Variants in MND1 observed in about 807,000 individuals in gnomAD.
MND1 encodes meiotic nuclear divisions 1.
MND1 carries 28 observed loss-of-function variants against 35.1 expected under a neutral mutation model. The observed-to-expected ratio is 0.80, with a 90% confidence interval of 0.59 to 1.09. MND1 has a LOEUF of 1.09. Among genes scored for constraint, MND1 ranks in the 50% least tolerant of loss-of-function variants. MND1 has a pLI of 0.00. For synonymous variants in MND1, 69 were observed against 70.5 expected, an observed-to-expected ratio of 0.98 and a Z score of 0.11; for missense variants, 213 against 239.6, an observed-to-expected ratio of 0.89 and a Z score of 0.73.
intron 7 of MND1, among the ~76,000 whole-genome samples, chr4:153,409,358 T>G (rs1369758961): frequency 9.0e-6 from 1 of 111,156 alleles, no homozygotes; most frequent in Non-Finnish European, 1.8e-5. Flanking sequence ...ATCTTAAAGA[T>G]TTATCATCTT....
intron 4 of MND1, among the ~76,000 whole-genome samples, chr4:153,381,151 G>A (rs1337373776): frequency 2.0e-5 from 3 of 151,986 alleles, no homozygotes; most frequent in Admixed American, 6.6e-5. Flanking sequence ...CGCCTGCCTC[G>A]GCCTCCCAAA....
At chr4:153,356,079 G>T (rs1372894684) in intron 3 of MND1, among the ~76,000 whole-genome samples, 1 of 152,192 alleles carries the variant, frequency 6.6e-6, no homozygotes, top group African/African-American at 2.4e-5. Flanking sequence ...GGCTGAAGCG[G>T]GAGGATCACT....
At chr4:153,397,376 G>A (rs928950456) in intron 6 of MND1, 43 bp downstream of exon 6, 2 of 1,401,502 alleles carry the variant, frequency 1.4e-6, no homozygotes, top group Non-Finnish European at 2.0e-6. Context: ...CTTTGATAAT[G>A]AAGAAGACTT....
chr4:153,402,722 T>A (rs1729376780), intron 6 of MND1, among the ~76,000 whole-genome samples: 1 of 152,170 alleles, frequency 6.6e-6, no homozygotes, highest in African/African-American at 2.4e-5. Context: ...CTTTATTTGA[T>A]CTGGCCTCGG....
At chr4:153,345,278 A>G (rs1773046765) in intron 1 of MND1, 1 of 955,306 alleles carries the variant, frequency 1.0e-6, no homozygotes, top group Admixed American at 6.2e-5. Context: ...GGTTTTCTGT[A>G]TTGTAATATG....
chr4:153,397,515 G>A (rs1177158166), intron 6 of MND1, among the ~76,000 whole-genome samples, 182 bp downstream of exon 6: 1 of 152,088 alleles, frequency 6.6e-6, no homozygotes, highest in Non-Finnish European at 1.5e-5. Context: ...CTTTAGTATT[G>A]CCATTAAAAA....
chr4:153,370,493 ACCT>A (rs1369521831), intron 4 of MND1, among the ~76,000 whole-genome samples: 4 of 151,506 alleles, frequency 2.6e-5, no homozygotes, highest in Non-Finnish European at 5.9e-5. Flanking sequence ...TGATGTTTTG[ACCT>A]CCTCCCCTTA....
At chr4:153,412,643 C>T (rs551226596) in intron 7 of MND1, among the ~76,000 whole-genome samples, 8 of 151,570 alleles carry the variant, frequency 5.3e-5, no homozygotes, top group African/African-American at 1.9e-4. Flanking sequence ...CCACCATGCC[C>T]GGCTAATTTT....
intron 4 of MND1, among the ~76,000 whole-genome samples, chr4:153,386,927 G>T (rs1472639819): frequency 6.6e-6 from 1 of 152,206 alleles, no homozygotes; most frequent in South Asian, 2.1e-4. Flanking sequence ...TCACTCTGGG[G>T]AGGGTGTTGT....
At chr4:153,355,518 C>A (rs1485001414) in intron 2 of MND1, 136 bp from the exon 3 acceptor site, 2 of 605,254 alleles carry the variant, frequency 3.3e-6, no homozygotes, top group Admixed American at 6.1e-5. Context: ...CATTGTATAC[C>A]TATATCAAAA....
rs186566525 is a variant in MND1 at position 153,384,969 on chromosome 4, G to A, written c.277-9293G>A. 1.2e-3 allele frequency among the ~76,000 whole-genome samples: 177 copies of A among 152,198 alleles called. 1 individual carries two copies. Among genetic ancestry groups the A allele is most frequent in the African/African-American group, 4.1e-3 (170 of 41,508 alleles). ...AGAGTGTTTTCTTTTAATGACTACTGTCTTACAGCATATAATGAAAAATAA... is the reference window on the plus strand; with the variant it reads ...AGAGTGTTTTCTTTTAATGACTACTATCTTACAGCATATAATGAAAAATAA... On this transcript the variant is annotated intron_variant, in intron 4 of 7. Transcript: ENST00000240488.
At chr4:153,405,584 CAAG>C (rs1180606787) in intron 6 of MND1, among the ~76,000 whole-genome samples, 2 of 151,676 alleles carry the variant, frequency 1.3e-5, no homozygotes, top group Non-Finnish European at 2.9e-5. Flanking sequence ...GGAATGGAAT[CAAG>C]AGTCCAGAAA....
chr4:153,356,019 G>C (rs994932797), intron 3 of MND1, among the ~76,000 whole-genome samples: 1 of 152,042 alleles, frequency 6.6e-6, no homozygotes, highest in Non-Finnish European at 1.5e-5. Context: ...AAATCTAGTT[G>C]ATAAGCTGGC....
intron 6 of MND1, among the ~76,000 whole-genome samples, chr4:153,407,140 C>T (rs1729535304): frequency 6.6e-6 from 1 of 152,178 alleles, no homozygotes. Context: ...ACCATATCAA[C>T]ACCCATTAGG....
Position 153,379,655 on chromosome 4 carries a change from G to A in MND1, c.277-14607G>A, listed in dbSNP as rs567930925. On this transcript the variant is annotated intron_variant, in intron 4 of 7. Transcript: ENST00000240488. The stretch of plus-strand genomic sequence containing the variant: ...TCACGAGGTCAGGAGTTCGAAACCA[G>A]CCTGACCAGCATGGTGAAACCCCGT... Among the ~76,000 whole-genome samples, 3 of 151,918 alleles carry A rather than the reference G, an allele frequency of 2.0e-5. No individual in the cohort carries two copies. In the South Asian group the frequency reaches 6.2e-4, roughly 32 times the overall value.
At chr4:153,363,496 G>A (rs1216195235) in intron 4 of MND1, among the ~76,000 whole-genome samples, 1 of 152,180 alleles carries the variant, frequency 6.6e-6, no homozygotes. Context: ...ACAGGCATGA[G>A]CCATTGCACC....
intron 6 of MND1, 75 bp from the exon 7 acceptor site, chr4:153,408,896 A>G (rs1304702688): frequency 1.0e-5 from 5 of 478,450 alleles, no homozygotes; most frequent in Non-Finnish European, 6.1e-6. Context: ...ATACATAGCT[A>G]AAGATCATTT....
At chr4:153,397,160 C>T in intron 5 of MND1, 59 bp from the exon 6 acceptor site, 1 of 1,163,634 alleles carries the variant, frequency 8.6e-7, no homozygotes, top group Non-Finnish European at 1.2e-6. Flanking sequence ...AAATGTATTA[C>T]CTTACAACAT....
At chr4:153,394,731 G>A (rs1729151634) in intron 5 of MND1, among the ~76,000 whole-genome samples, 1 of 150,454 alleles carries the variant, frequency 6.6e-6, no homozygotes, top group Non-Finnish European at 1.5e-5. Context: ...AAATGTTTAT[G>A]TAAATTTTTA....
Sources: allele counts gnomAD v4.1 joint callset (sites outside exome capture counted in the v4.1 genomes callset), GRCh38; gene constraint gnomAD v4.1.1; transcripts MANE v1.5; gene names NCBI Gene and HGNC (gene_info 2026-07-23, HGNC 2026-07-21).